ARAP2: variants seen among roughly 807,000 people sequenced by gnomAD.
ARAP2 encodes ArfGAP with RhoGAP domain, ankyrin repeat and PH domain 2.
A neutral mutation model predicts 194.5 loss-of-function variants in ARAP2; 148 were observed. The ratio of observed to expected loss-of-function variants is 0.76; its 90% CI spans 0.67 to 0.87. The LOEUF is 0.87. ARAP2 is among the 40% of genes least tolerant of loss of function. The pLI is 0.00. For missense variants in ARAP2, 2,128 were observed against 1,989.7 expected, an observed-to-expected ratio of 1.07 and a Z score of -1.32; for synonymous variants, 695 against 683.5, an observed-to-expected ratio of 1.02 and a Z score of -0.26.
intron 2 of ARAP2, among the ~76,000 whole-genome samples, chr4:36,221,852 T>C (rs1052456642): frequency 2.6e-5 from 4 of 152,142 alleles, no homozygotes; most frequent in African/African-American, 9.7e-5. Context: ...AAAAAGCAAG[T>C]GGCTTTCTTT....
chr4:36,069,862 C>T (rs1344918760), intron 32 of ARAP2, among the ~76,000 whole-genome samples: 1 of 152,002 alleles, frequency 6.6e-6, no homozygotes, highest in Non-Finnish European at 1.5e-5. Flanking sequence ...GTTTTAGTAC[C>T]ATCCCCTCTG....
chr4:36,037,909 A>C (rs1030388827), intron 5 of ARAP2, among the ~76,000 whole-genome samples: 2 of 152,188 alleles, frequency 1.3e-5, no homozygotes, highest in African/African-American at 4.8e-5. Context: ...CCAAATTCTT[A>C]GAGAGCTTCT....
At chr4:36,043,193 T>C (rs1721170412) in intron 5 of ARAP2, among the ~76,000 whole-genome samples, 2 of 152,208 alleles carry the variant, frequency 1.3e-5, no homozygotes, top group African/African-American at 4.8e-5. Flanking sequence ...TATTTCTTCC[T>C]GGCTTTACAG....
intron 1 of ARAP2, among the ~76,000 whole-genome samples, chr4:36,234,610 C>T (rs1008971403): frequency 6.6e-6 from 1 of 152,178 alleles, no homozygotes; most frequent in African/African-American, 2.4e-5. Context: ...CACTTACTAG[C>T]TTTATTATCT....
chr4:36,067,806 G>T lies in ARAP2; in HGVS notation c.*101C>A. Reference sequence around the variant, plus strand: ...CATAGACAAATTTGCCTATCAATAGGCAAATTCTTATGAATTATCTTATAG... The same window carrying T: ...CATAGACAAATTTGCCTATCAATAGTCAAATTCTTATGAATTATCTTATAG... On this transcript the variant is annotated 3_prime_UTR_variant, in exon 33 of 33. Coordinates refer to ENST00000303965, the MANE Select transcript of ARAP2 (RefSeq NM_015230.4). 7.2e-7 allele frequency: 1 copy of T among 1,383,688 alleles called. No individual in the cohort carries two copies. Among genetic ancestry groups the T allele is most frequent in the South Asian group, 1.6e-5 (1 of 63,620 alleles). 85.7% of individuals were successfully genotyped at this position (1,383,688 alleles called of 1,614,324 possible).
chr4:36,147,251 C>G, intron 19 of ARAP2, 45 bp downstream of exon 19: 5 of 1,553,928 alleles, frequency 3.2e-6, no homozygotes, highest in Non-Finnish European at 4.4e-6. Flanking sequence ...AATCCCGCTG[C>G]CCAGAGTTGT....
intron 28 of ARAP2, among the ~76,000 whole-genome samples, chr4:36,085,838 G>A (rs1392593769): frequency 6.6e-6 from 1 of 151,996 alleles, no homozygotes; most frequent in Non-Finnish European, 1.5e-5. Context: ...CTTCTCATAA[G>A]CTTCCACTTC....
intron 26 of ARAP2, among the ~76,000 whole-genome samples, chr4:36,110,702 C>T (rs1265629896): frequency 6.6e-6 from 1 of 151,820 alleles, no homozygotes; most frequent in African/African-American, 2.4e-5. Flanking sequence ...TATTTTCCCA[C>T]GAATCTGACT....
At position 36,041,105 on chromosome 4, in the gene ARAP2, G is replaced by A. The variant is rs569026723; in HGVS notation, n.607+4874C>T. On this transcript the variant is annotated intron_variant and non_coding_transcript_variant, in intron 5 of 12. Transcript: ENST00000503225. ...ATTGAGATAATCATTGGGTTTTGTC[G>A]ATAGTTCTCTTTATGTAATTTGATG... 1.4e-4 allele frequency among the ~76,000 whole-genome samples: 21 copies of A among 151,956 alleles called. 1 individual carries two copies. Among genetic ancestry groups the A allele is most frequent in the Admixed American group, 3.3e-4 (5 of 15,238 alleles).
At chr4:36,100,796 G>C (rs1420831444) in intron 27 of ARAP2, among the ~76,000 whole-genome samples, 3 of 151,692 alleles carry the variant, frequency 2.0e-5, no homozygotes, top group Admixed American at 1.3e-4. Context: ...TTTATTTTTA[G>C]AACACTAATG....
At chr4:36,231,302 C>T (rs1560729544) in intron 1 of ARAP2, among the ~76,000 whole-genome samples, 1 of 152,014 alleles carries the variant, frequency 6.6e-6, no homozygotes, top group Non-Finnish European at 1.5e-5. Context: ...TGCCACTGCA[C>T]TCCAGCCTGG....
At chr4:36,114,051 C>T in intron 26 of ARAP2, 119 bp downstream of exon 26, 1 of 779,346 alleles carries the variant, frequency 1.3e-6, no homozygotes, top group Non-Finnish European at 2.1e-6. Context: ...AATACATGCA[C>T]TAAGGTAAAA....
chr4:36,190,726 T>C (rs1420886180), intron 7 of ARAP2, among the ~76,000 whole-genome samples: 3 of 152,206 alleles, frequency 2.0e-5, no homozygotes, highest in Non-Finnish European at 4.4e-5. Flanking sequence ...ATGGGTCTGA[T>C]GTTTGCACAG....
rs75330278 is a variant in ARAP2, at chr4:36,019,332, C to T, written n.608-46G>A. ...CACATTATTATTCCGTTGAAATAAACCCTTTTAATGTATTAAGGCTCAGTT... is the reference window on the plus strand; with the variant it reads ...CACATTATTATTCCGTTGAAATAAATCCTTTTAATGTATTAAGGCTCAGTT... On this transcript the variant is annotated intron_variant and non_coding_transcript_variant, in intron 5 of 12. Coordinates refer to the ARAP2 transcript ENST00000503225. The T allele has an allele frequency of 4.6e-4, 69 of 149,280 alleles. 10 individuals are homozygous for T. The highest frequency in any genetic ancestry group is 1.7e-3 in the African/African-American group (66 of 38,700). The allele number at this position is 149,280 out of a possible 1,614,324, so 9.2% of individuals were successfully genotyped here.
intron 5 of ARAP2, among the ~76,000 whole-genome samples, chr4:36,035,622 C>T (rs2109213116): frequency 6.6e-6 from 1 of 152,118 alleles, no homozygotes; most frequent in Middle Eastern, 3.4e-3. Flanking sequence ...AAATCCTTAC[C>T]AAAACTTGAT....
chr4:36,238,830 G>C (rs1242260926), intron 1 of ARAP2, among the ~76,000 whole-genome samples: 2 of 151,940 alleles, frequency 1.3e-5, no homozygotes, highest in Non-Finnish European at 2.9e-5. Flanking sequence ...AGCTAACACA[G>C]GACTATAGTA....
chr4:36,162,917 C>T lies in ARAP2; in HGVS notation c.2174-1367G>A, dbSNP rs74636567. 8.5e-3 allele frequency among the ~76,000 whole-genome samples: 1,300 copies of T among 152,174 alleles called. 26 individuals are homozygous for T. Among genetic ancestry groups the T allele is most frequent in the African/African-American group, 0.03 (1,250 of 41,540 alleles). ...TCAAGAAGGTGTCTCAGATTTTAGG[C>T]TTTGAGTGTGCAGCGTAGACAGTAT... On this transcript the variant is annotated intron_variant, in intron 11 of 32. Coordinates refer to ENST00000303965, the MANE Select transcript of ARAP2 (RefSeq NM_015230.4).
rs189200986 is a variant in ARAP2 at position 36,066,987 on chromosome 4, T to A, written c.*920A>T. The A allele has an allele frequency of 9.2e-5, 14 of 152,248 alleles. No individual in the cohort carries two copies. Among genetic ancestry groups the A allele is most frequent in the African/African-American group, 2.4e-4 (10 of 41,554 alleles). The allele number at this position is 152,248 out of a possible 1,614,324, so 9.4% of individuals were successfully genotyped here. Reference sequence around the variant, plus strand: ...AATCAAACAAAACAACAGGACCCTGTGGTGATGAATTTTGTTCGTACCAAA... The same window carrying A: ...AATCAAACAAAACAACAGGACCCTGAGGTGATGAATTTTGTTCGTACCAAA... On this transcript the variant is annotated 3_prime_UTR_variant, in exon 33 of 33. Coordinates refer to ENST00000303965, the MANE Select transcript of ARAP2 (RefSeq NM_015230.4).
intron 27 of ARAP2, among the ~76,000 whole-genome samples, chr4:36,106,871 C>A (rs560860945): frequency 6.6e-6 from 1 of 151,928 alleles, no homozygotes; most frequent in East Asian, 1.9e-4. Flanking sequence ...TAAAAGTAAT[C>A]ATAAATTTCA....
Sources: allele counts gnomAD v4.1 joint callset (sites outside exome capture counted in the v4.1 genomes callset), GRCh38; gene constraint gnomAD v4.1.1; transcripts MANE v1.5; gene names NCBI Gene and HGNC (gene_info 2026-07-23, HGNC 2026-07-21).